Variants in PARD3 observed in about 807,000 individuals in gnomAD.
The protein encoded by PARD3 is par-3 family cell polarity regulator.
A neutral mutation model predicts 155.4 loss-of-function variants in PARD3; 75 were observed. The observed-to-expected ratio is 0.48, with a 90% CI of 0.40 to 0.58. The LOEUF (loss-of-function observed/expected upper bound fraction) is 0.58, where lower values mean the gene tolerates loss of function less well. PARD3 is among the 20% of genes least tolerant of loss of function. PARD3 has a pLI of 0.00. For synonymous variants in PARD3, 576 were observed against 610.5 expected (o/e 0.94, Z 0.83); for missense variants, 1,642 against 1,721.7 (o/e 0.95, Z 0.82).
intron 20 of PARD3, among the ~76,000 whole-genome samples, chr10:34,309,188 T>G (rs1017635692): frequency 2.6e-5 from 4 of 151,354 alleles, no homozygotes; most frequent in African/African-American, 9.7e-5. Context: ...AGTTGGAGAG[T>G]AAGTAGGGCT....
At chr10:34,608,534 CTTTT>C (rs71299715) in intron 2 of PARD3, among the ~76,000 whole-genome samples, 1 of 125,392 alleles carries the variant, frequency 8.0e-6, no homozygotes, top group Non-Finnish European at 1.6e-5. Flanking sequence ...AAAAAGAATA[CTTTT>C]TTTTTTTTTT....
intron 2 of PARD3, among the ~76,000 whole-genome samples, chr10:34,551,466 G>A (rs1026434083): frequency 3.9e-5 from 6 of 152,090 alleles, no homozygotes; most frequent in Non-Finnish European, 8.8e-5. Flanking sequence ...CCACCTCAGG[G>A]TCAAAGAGCC....
intron 22 of PARD3, among the ~76,000 whole-genome samples, chr10:34,260,455 T>G (rs1045214574): frequency 6.6e-6 from 1 of 152,152 alleles, no homozygotes; most frequent in African/African-American, 2.4e-5. Context: ...GGAAAGGTGA[T>G]CTTCAGCTAT....
chr10:34,228,496 A>G (rs1952743413), intron 22 of PARD3, among the ~76,000 whole-genome samples: 2 of 152,122 alleles, frequency 1.3e-5, no homozygotes, highest in Non-Finnish European at 2.9e-5. Context: ...AAGCAAATCC[A>G]CAGAAGCAGA....
At chr10:34,168,842 C>G (rs1164157332) in intron 22 of PARD3, among the ~76,000 whole-genome samples, 1 of 152,128 alleles carries the variant, frequency 6.6e-6, no homozygotes, top group Non-Finnish European at 1.5e-5. Context: ...ATTAATTATG[C>G]CATACAAAAT....
At chr10:34,272,046 A>G (rs1246058230) in intron 21 of PARD3, among the ~76,000 whole-genome samples, 1 of 152,246 alleles carries the variant, frequency 6.6e-6, no homozygotes, top group Non-Finnish European at 1.5e-5. Context: ...TGCTGCAGCA[A>G]AAACAATTCA....
At position 34,814,899 on chromosome 10, in the gene PARD3, G is replaced by A; in HGVS notation, c.97C>T (p.Arg33Cys). The A allele has an allele frequency of 1.3e-6, 2 of 1,538,778 alleles. No homozygotes were observed. The highest frequency in any genetic ancestry group is 1.7e-6 in the Non-Finnish European group (2 of 1,143,296). ...ACCTTGGCGATGGCCTTCCGGTAGC[G>A]GGTCACCGCCTGCTGGATGAGGCTG... is the stretch of plus-strand genomic sequence containing the variant. ...VFSLIQQAVT[R>C]YRKAIAKDPN... Residue 33 changes from arginine to cysteine, a missense_variant, in exon 1 of 25, where the codon CGC becomes TGC. Physicochemically the swap from Arg to Cys is radical, Grantham distance 180. Around this residue, in one of 3 missense-constraint regions of PARD3, gnomAD observed 75 missense variants for 65.3 expected, o/e 1.15. Transcript: ENST00000374788.
intron 1 of PARD3, among the ~76,000 whole-genome samples, chr10:34,795,134 G>T (rs1475298560): frequency 2.6e-5 from 4 of 152,232 alleles, no homozygotes; most frequent in Non-Finnish European, 5.9e-5. Context: ...CACAGTACAA[G>T]AAGTCCAACC....
intron 1 of PARD3, among the ~76,000 whole-genome samples, chr10:34,744,917 G>A (rs541078171): frequency 6.6e-6 from 1 of 152,322 alleles, no homozygotes; most frequent in Admixed American, 6.5e-5. Context: ...ACTGAAGGAA[G>A]TGGGTGCACA....
At chr10:34,337,564 T>C in intron 16 of PARD3, 138 bp from the exon 17 acceptor site, 2 of 403,846 alleles carry the variant, frequency 5.0e-6, no homozygotes, top group Non-Finnish European at 4.2e-6. Flanking sequence ...ATAATACAAA[T>C]ACAGTCCATT....
chr10:34,125,369 A>G (rs1947229835), intron 23 of PARD3, among the ~76,000 whole-genome samples: 1 of 152,174 alleles, frequency 6.6e-6, no homozygotes, highest in African/African-American at 2.4e-5. Context: ...CCGGCCCTCC[A>G]GGTCTATTTC....
chr10:34,611,456 A>G (rs2090884049), intron 2 of PARD3, among the ~76,000 whole-genome samples: 1 of 152,228 alleles, frequency 6.6e-6, no homozygotes, highest in Non-Finnish European at 1.5e-5. Flanking sequence ...AACGCAGAGC[A>G]TACACCAAGG....
chr10:34,726,842 T>C (rs1303718332), intron 1 of PARD3, among the ~76,000 whole-genome samples: 2 of 152,168 alleles, frequency 1.3e-5, no homozygotes, highest in Non-Finnish European at 2.9e-5. Flanking sequence ...ATTACATCTT[T>C]ATACTTTCTC....
chr10:34,500,020 C>G (rs1168111493), intron 3 of PARD3, among the ~76,000 whole-genome samples: 1 of 152,186 alleles, frequency 6.6e-6, no homozygotes. Context: ...ATGTTCAGTA[C>G]AGATGCAATT....
At chr10:34,225,486 C>T (rs1427697705) in intron 22 of PARD3, among the ~76,000 whole-genome samples, 1 of 152,008 alleles carries the variant, frequency 6.6e-6, no homozygotes, top group Non-Finnish European at 1.5e-5. Context: ...GCTAGGACTA[C>T]AGGCACACGC....
At chr10:34,597,242 T>A (rs2134432248) in intron 2 of PARD3, among the ~76,000 whole-genome samples, 1 of 152,132 alleles carries the variant, frequency 6.6e-6, no homozygotes, top group Middle Eastern at 3.4e-3. Flanking sequence ...ACAAGAAGCA[T>A]AACTGCACCT....
chr10:34,192,486 C>T (rs1360551564), intron 22 of PARD3, among the ~76,000 whole-genome samples: 1 of 152,216 alleles, frequency 6.6e-6, no homozygotes, highest in African/African-American at 2.4e-5. Flanking sequence ...CTTCTCCACA[C>T]AGATCTTATA....
chr10:34,355,956 ACC>A (rs1491375026), intron 14 of PARD3, among the ~76,000 whole-genome samples: 3,588 of 120,428 alleles, frequency 0.03, 151 homozygotes, highest in African/African-American at 0.099. Context: ...ACAAAACAAA[ACC>A]AAACAAAAAA....
At chr10:34,544,979 A>G (rs74553205) in intron 2 of PARD3, among the ~76,000 whole-genome samples, 2,355 of 152,320 alleles carry the variant, frequency 0.015, 67 homozygotes, top group African/African-American at 0.053. Flanking sequence ...TAGTACCTGT[A>G]TTGAGTTCGT....
Sources: allele counts gnomAD v4.1 joint callset (sites outside exome capture counted in the v4.1 genomes callset), GRCh38; gene constraint gnomAD v4.1.1; regional missense constraint gnomAD v4.1.1; transcripts MANE v1.5; gene names NCBI Gene and HGNC (gene_info 2026-07-23, HGNC 2026-07-21).